Variants in KANSL2 observed in about 807,000 individuals in gnomAD.
KANSL2 encodes NSL complex protein NSL2.
In KANSL2, 34 loss-of-function variants were observed where a neutral mutation model predicts 55.6. The ratio of observed to expected loss-of-function variants is 0.61; its 90% CI spans 0.46 to 0.81. The LOEUF (loss-of-function observed/expected upper bound fraction) is 0.81. Ranked by LOEUF, KANSL2 falls within the 40% of genes least tolerant of loss-of-function variation. The probability of loss-of-function intolerance (pLI) is 0.00; values close to 1 mark genes in which losing one functional copy is unlikely to be tolerated. For missense variants in KANSL2, 502 were observed against 609.9 expected (o/e 0.82, Z 1.86); for synonymous variants, 209 against 214.3 (o/e 0.98, Z 0.22).
intron 4 of KANSL2, among the ~76,000 whole-genome samples, chr12:48,675,240 C>CA (rs199777316): frequency 5.2e-4 from 79 of 150,824 alleles, no homozygotes; most frequent in Admixed American, 2.6e-4. Context: ...TACTAAAATA[C>CA]AAAAAAAAGA....
chr12:48,654,652 T>G, intron 9 of KANSL2: 1 of 505,258 alleles, frequency 2.0e-6, no homozygotes, highest in East Asian at 4.2e-5. Context: ...TCTCAAGCTT[T>G]TATTTAAATA....
At chr12:48,672,912 C>A (rs111435623) in intron 4 of KANSL2, among the ~76,000 whole-genome samples, 1,867 of 152,126 alleles carry the variant, frequency 0.012, 44 homozygotes, top group African/African-American at 0.043. Flanking sequence ...GCACCTACCA[C>A]CACGCCCAGC....
chr12:48,672,135 G>C (rs1939725201), intron 4 of KANSL2, among the ~76,000 whole-genome samples, 173 bp from the exon 5 acceptor site: 1 of 151,834 alleles, frequency 6.6e-6, no homozygotes, highest in Admixed American at 6.6e-5. Context: ...AAACAAAAGA[G>C]AAAATCTCCA....
intron 8 of KANSL2, among the ~76,000 whole-genome samples, chr12:48,655,827 G>A (rs531334251): frequency 2.8e-4 from 43 of 151,866 alleles, no homozygotes; most frequent in Non-Finnish European, 4.3e-4. Context: ...TTGGGAAGCC[G>A]AAGTGGGAGG....
chr12:48,672,698 T>A (rs1939749028), intron 4 of KANSL2, among the ~76,000 whole-genome samples: 1 of 151,918 alleles, frequency 6.6e-6, no homozygotes, highest in Non-Finnish European at 1.5e-5. Context: ...AGTGCTGGAA[T>A]TAAACGCATA....
At chr12:48,665,064 TGA>T in intron 7 of KANSL2, among the ~76,000 whole-genome samples, 1 of 152,034 alleles carries the variant, frequency 6.6e-6, no homozygotes, top group Non-Finnish European at 1.5e-5. Context: ...TCTTTAGAGA[TGA>T]GGTCTTACTG....
intron 4 of KANSL2, among the ~76,000 whole-genome samples, chr12:48,677,844 G>A (rs1387435110): frequency 6.8e-6 from 1 of 147,534 alleles, no homozygotes; most frequent in Non-Finnish European, 1.5e-5. Context: ...TACTATTTGT[G>A]AGAGAATCCT....
rs74089356 is a variant in KANSL2 at position 48,663,088 on chromosome 12, T to C, written c.974-2469A>G. Among the ~76,000 whole-genome samples, 893 of 152,336 alleles carry C rather than the reference T, an allele frequency of 5.9e-3. 8 individuals carry two copies. Among genetic ancestry groups the C allele is most frequent in the African/African-American group, 0.02 (815 of 41,578 alleles). ...TAAATATATTTAATGCCTGAAAATA[T>C]TCCACACTATGTTGTGTCATTAATT... On this transcript the variant is annotated intron_variant, in intron 7 of 9. Transcript: ENST00000420613.
chr12:48,675,699 G>A (rs564432679), intron 4 of KANSL2, among the ~76,000 whole-genome samples: 2 of 152,350 alleles, frequency 1.3e-5, no homozygotes, highest in African/African-American at 4.8e-5. Context: ...GGTGGGGGCA[G>A]TAAGCAACCT....
intron 4 of KANSL2, among the ~76,000 whole-genome samples, chr12:48,673,567 G>GAA (rs111737433): frequency 2.3e-5 from 2 of 88,402 alleles, no homozygotes; most frequent in Admixed American, 2.3e-4. Context: ...CTCAAAAAAA[G>GAA]AAAAAAAAAA....
chr12:48,660,883 G>C (rs1013421090), intron 7 of KANSL2, among the ~76,000 whole-genome samples: 2 of 152,080 alleles, frequency 1.3e-5, no homozygotes, highest in African/African-American at 4.8e-5. Context: ...ATTTAAACTA[G>C]ACACCATCCC....
chr12:48,658,767 TAAAGATAA>T (rs1293257436), intron 8 of KANSL2: 1 of 151,752 alleles, frequency 6.6e-6, no homozygotes, highest in Non-Finnish European at 1.5e-5. Context: ...AAAAAATAAA[TAAAGATAA>T]AATAAGAGAA....
In KANSL2 at chr12:48,679,755, A is replaced by C; in HGVS notation, c.330T>G (p.Pro110=). 6.2e-7 allele frequency: 1 copy of C among 1,610,410 alleles called. No homozygotes were observed. Among genetic ancestry groups the C allele is most frequent in the Non-Finnish European group, 8.5e-7 (1 of 1,178,264 alleles). The change falls in exon 3 of 10, where the codon CCT becomes CCG. Residue 110 remains proline, a synonymous_variant. Transcript: ENST00000420613. ...GCTGGCACAGGAGTGTTTCACCCAC[A>C]GGCCCTGGGTTGGTCTTCTTCATTT... The part of the protein sequence containing the change: ...HAQMKKTNPG[P]VGETLLCQLS...
chr12:48,670,592 A>AT (rs1290672068), intron 5 of KANSL2, among the ~76,000 whole-genome samples: 1 of 152,162 alleles, frequency 6.6e-6, no homozygotes, highest in Non-Finnish European at 1.5e-5. Context: ...TATAAAAAAA[A>AT]TTTTTGTACA....
In KANSL2 at chr12:48,672,433, A is replaced by ATATTT. The variant is rs371918890; in HGVS notation, c.546-472_546-471insAAATA. On this transcript the variant is annotated intron_variant, in intron 4 of 9. Coordinates refer to ENST00000420613, the MANE Select transcript of KANSL2 (RefSeq NM_017822.4). ...CGTATATATATATATATATATATAT[A>ATATTT]TTTTTTTTTTGAGATAAGGTCTCAC... 3.1e-4 allele frequency among the ~76,000 whole-genome samples: 37 copies of ATATTT among 120,378 alleles called. 1 individual carries two copies. Among genetic ancestry groups the ATATTT allele is most frequent in the African/African-American group, 1.3e-3 (37 of 27,630 alleles). The allele number at this position is 120,378 out of a possible 152,430, so 79.0% of individuals were successfully genotyped here.
At chr12:48,672,433 A>ATATATATATATATTTTTTTT (rs371918890) in intron 4 of KANSL2, among the ~76,000 whole-genome samples, 1 of 120,384 alleles carries the variant, frequency 8.3e-6, no homozygotes, top group African/African-American at 3.6e-5. Context: ...ATATATATAT[A>ATATATATATATATTTTTTTT]TTTTTTTTTT....
intron 2 of KANSL2, among the ~76,000 whole-genome samples, chr12:48,680,210 C>T (rs982259678): frequency 2.0e-5 from 3 of 152,148 alleles, no homozygotes; most frequent in Non-Finnish European, 4.4e-5. Flanking sequence ...AGGCATGCAC[C>T]ACTGTGCCCA....
intron 4 of KANSL2, among the ~76,000 whole-genome samples, chr12:48,676,829 C>G (rs1166149960): frequency 2.0e-5 from 3 of 152,138 alleles, no homozygotes; most frequent in Non-Finnish European, 2.9e-5. Context: ...GATCAAGTCT[C>G]TAGCAACATC....
At position 48,663,779 on chromosome 12, in the gene KANSL2, T is replaced by C. The variant is rs559439793; in HGVS notation, c.974-3160A>G. On this transcript the variant is annotated intron_variant, in intron 7 of 9. Transcript: ENST00000420613. ...GATCAACAGTAAGCCATAAGGCTAT[T>C]AGCAGTTAAATTTTGGGAGAATCAA... Among the ~76,000 whole-genome samples the C allele has an allele frequency of 2.5e-4, 38 of 152,328 alleles. No individual in the cohort carries two copies. In the East Asian group the frequency reaches 6.9e-3, roughly 28 times the overall value.
Sources: gnomAD v4.1 joint callset for allele counts (sites outside exome capture counted in the v4.1 genomes callset) on GRCh38, gnomAD v4.1.1 for gene constraint, MANE v1.5 for transcripts, NCBI Gene and HGNC (gene_info 2026-07-23, HGNC 2026-07-21) for gene names.